Variants in ABLIM3 observed in about 807,000 individuals in gnomAD.
The protein encoded by ABLIM3 is actin binding LIM protein family member 3, also known as actin-binding LIM protein 3.
ABLIM3 carries 61 observed loss-of-function variants against 109.5 expected under a neutral mutation model. That is an observed-to-expected ratio of 0.56 (90% CI 0.45 to 0.69). The LOEUF (loss-of-function observed/expected upper bound fraction) is 0.69, where lower values mean the gene tolerates loss of function less well. ABLIM3 is among the 30% of genes least tolerant of loss of function. The pLI is 0.00. For missense variants in ABLIM3, 796 were observed against 889.5 expected (o/e 0.89, Z 1.34); for synonymous variants, 300 against 324.8 (o/e 0.92, Z 0.82).
chr5:149,258,187 G>A, intron 23 of ABLIM3, 104 bp from the exon 24 acceptor site: 1 of 945,368 alleles, frequency 1.1e-6, no homozygotes. Flanking sequence ...TGCCCAGAGG[G>A]AACATGCAGC....
intron 2 of ABLIM3, among the ~76,000 whole-genome samples, chr5:149,177,689 G>T (rs1756069769): frequency 6.6e-6 from 1 of 152,168 alleles, no homozygotes; most frequent in Non-Finnish European, 1.5e-5. Context: ...GCAAACCTTT[G>T]CTGGACTTGT....
chr5:149,188,754 G>C (rs967036739), intron 3 of ABLIM3, among the ~76,000 whole-genome samples: 1 of 152,194 alleles, frequency 6.6e-6, no homozygotes, highest in Non-Finnish European at 1.5e-5. Flanking sequence ...TAGGATGTTG[G>C]AGGTTAGGGC....
At chr5:149,244,630 T>C in intron 15 of ABLIM3, 1 of 510,038 alleles carries the variant, frequency 2.0e-6, no homozygotes, top group Non-Finnish European at 3.6e-6. Context: ...CCAGTTCTGG[T>C]GCTCACATGC....
chr5:149,241,155 T>C (rs1752804616), intron 14 of ABLIM3, among the ~76,000 whole-genome samples: 1 of 152,212 alleles, frequency 6.6e-6, no homozygotes. Flanking sequence ...AGCTCATGAC[T>C]GTGAGCCAGT....
At chr5:149,212,461 T>C (rs536417309) in intron 7 of ABLIM3, among the ~76,000 whole-genome samples, 13 of 152,132 alleles carry the variant, frequency 8.5e-5, no homozygotes, top group Admixed American at 6.5e-4. Flanking sequence ...GACGTGATAA[T>C]GTACACAGGC....
intron 2 of ABLIM3, among the ~76,000 whole-genome samples, chr5:149,142,657 T>G (rs937251306): frequency 6.6e-6 from 1 of 152,162 alleles, no homozygotes; most frequent in Non-Finnish European, 1.5e-5. Context: ...CCAGGGCTGG[T>G]TTCTCTATGT....
intron 18 of ABLIM3, among the ~76,000 whole-genome samples, chr5:149,248,859 GACACAC>G (rs55707887): frequency 6.6e-4 from 95 of 144,694 alleles, no homozygotes; most frequent in Admixed American, 1.0e-3. Flanking sequence ...CCTATTCCTG[GACACAC>G]ACACACACAC....
intron 5 of ABLIM3, among the ~76,000 whole-genome samples, chr5:149,201,991 G>T (rs1287264576): frequency 6.6e-6 from 1 of 152,218 alleles, no homozygotes; most frequent in African/African-American, 2.4e-5. Context: ...TTAGTTCAGG[G>T]ATCAAACTAA....
intron 2 of ABLIM3, among the ~76,000 whole-genome samples, chr5:149,175,342 T>G (rs1488632130): frequency 6.6e-6 from 1 of 152,182 alleles, no homozygotes; most frequent in Non-Finnish European, 1.5e-5. Context: ...ATGGGTGGCT[T>G]CCTAGCTTTT....
intron 2 of ABLIM3, among the ~76,000 whole-genome samples, chr5:149,171,980 T>G (rs1420251280): frequency 6.6e-6 from 1 of 152,244 alleles, no homozygotes; most frequent in African/African-American, 2.4e-5. Flanking sequence ...ATGCGGATAC[T>G]GAGTACTTGA....
intron 2 of ABLIM3, among the ~76,000 whole-genome samples, chr5:149,153,801 C>T (rs1188426831): frequency 6.6e-6 from 1 of 152,186 alleles, no homozygotes; most frequent in Non-Finnish European, 1.5e-5. Flanking sequence ...CCCTAAACAT[C>T]TCTTAGGCCT....
At chr5:149,214,753 C>T (rs1352531110) in intron 7 of ABLIM3, among the ~76,000 whole-genome samples, 1 of 152,196 alleles carries the variant, frequency 6.6e-6, no homozygotes, top group Admixed American at 6.5e-5. Context: ...CCCATGGTCC[C>T]TTCCTCAGTG....
chr5:149,201,421 C>A (rs2127499921), intron 5 of ABLIM3, among the ~76,000 whole-genome samples: 1 of 152,300 alleles, frequency 6.6e-6, no homozygotes, highest in East Asian at 1.9e-4. Flanking sequence ...GCAGAGTCAG[C>A]ATGCTGGGCT....
rs974165725 is a variant in ABLIM3, at chr5:149,240,025, C to T, written c.1204+137C>T. 4 of 1,260,724 alleles carry T rather than the reference C, an allele frequency of 3.2e-6. No individual in the cohort carries two copies. The African/African-American group carries it at 6.3e-5, about 20-fold the overall frequency. The allele number at this position is 1,260,724 out of a possible 1,614,324, so 78.1% of individuals were successfully genotyped here. A position where few individuals can be genotyped will look rare whatever the true frequency, so the allele number is the denominator to read the frequency against. ...TGGCCCTCTGGAGGCCTATGGCCAC[C>T]CAGGTGACCAGCTGGGCCTCTCTGA... is the stretch of plus-strand genomic sequence containing the variant. On this transcript the variant is annotated intron_variant, in intron 13 of 23. Coordinates refer to ENST00000309868, the MANE Select transcript of ABLIM3 (RefSeq NM_014945.5).
chr5:149,226,633 A>G (rs1056611885), intron 8 of ABLIM3, among the ~76,000 whole-genome samples: 1 of 152,184 alleles, frequency 6.6e-6, no homozygotes, highest in Middle Eastern at 3.2e-3. Flanking sequence ...CAGTATCTAA[A>G]AACCTTCAGA....
intron 15 of ABLIM3, 135 bp from the exon 16 acceptor site, chr5:149,244,745 CA>C (rs1753184577): frequency 9.1e-7 from 1 of 1,098,690 alleles, no homozygotes; most frequent in South Asian, 1.4e-5. Context: ...CTCCATGGCC[CA>C]GTTCTAACAG....
At chr5:149,229,996 TCCCCCTTAAATGTGATAGCTCTGGTAGA>T (rs1478081000) in intron 8 of ABLIM3, among the ~76,000 whole-genome samples, 1 of 152,188 alleles carries the variant, frequency 6.6e-6, no homozygotes, top group Admixed American at 6.5e-5. Context: ...TGACACCTCC[TCCCCCTTAAATGTGATAGCTCTGGTAGA>T]CAGTCATAAG....
intron 23 of ABLIM3, among the ~76,000 whole-genome samples, 185 bp downstream of exon 23, chr5:149,253,022 T>G (rs1230797128): frequency 6.6e-6 from 1 of 151,956 alleles, no homozygotes; most frequent in Non-Finnish European, 1.5e-5. Context: ...CCCAAAACTG[T>G]CCCATGCTGT....
At chr5:149,247,989 A>C in intron 18 of ABLIM3, 60 bp downstream of exon 18, 1 of 1,568,668 alleles carries the variant, frequency 6.4e-7, no homozygotes, top group Non-Finnish European at 8.6e-7. Flanking sequence ...ACTAGCTGGC[A>C]GTGTCAGCTG....
Sources: gnomAD v4.1 joint callset for allele counts (sites outside exome capture counted in the v4.1 genomes callset) on GRCh38, gnomAD v4.1.1 for gene constraint, MANE v1.5 for transcripts, NCBI Gene and HGNC (gene_info 2026-07-23, HGNC 2026-07-21) for gene names.